PPARGC1A: variants seen among roughly 807,000 people sequenced by gnomAD.
PPARGC1A encodes peroxisome proliferator-activated receptor gamma coactivator 1-alpha.
PPARGC1A carries 25 observed loss-of-function variants against 88.7 expected under a neutral mutation model. The observed-to-expected ratio is 0.28, with a 90% CI of 0.21 to 0.39. PPARGC1A has a LOEUF of 0.39. Ranked by LOEUF, PPARGC1A falls within the 10% of genes least tolerant of loss-of-function variation. PPARGC1A has a pLI of 1.00. For missense variants in PPARGC1A, 880 were observed against 968.7 expected (o/e 0.91, Z 1.22); for synonymous variants, 363 against 355.6 (o/e 1.02, Z -0.24).
the PPARGC1A span, among the ~76,000 whole-genome samples, chr4:23,963,623 C>T: frequency 3.3e-5 from 5 of 152,180 alleles, no homozygotes; most frequent in African/African-American, 9.6e-5. Flanking sequence ...TGAAGATCTA[C>T]ATGGAGGCAC....
the PPARGC1A span, among the ~76,000 whole-genome samples, chr4:24,169,594 G>A: frequency 1.3e-5 from 2 of 152,198 alleles, no homozygotes; most frequent in African/African-American, 2.4e-5. Flanking sequence ...TCTCAGCCAA[G>A]CATGTTGGCT....
chr4:24,316,022 G>T, the PPARGC1A span, among the ~76,000 whole-genome samples: 1 of 152,194 alleles, frequency 6.6e-6, no homozygotes, highest in East Asian at 1.9e-4. Context: ...AAGGCCAAGA[G>T]GGCAGCTTCT....
chr4:24,121,652 C>A, the PPARGC1A span, among the ~76,000 whole-genome samples: 2 of 152,126 alleles, frequency 1.3e-5, no homozygotes, highest in African/African-American at 2.4e-5. Flanking sequence ...AACCACGAGG[C>A]CCATACACAG....
chr4:24,383,913 C>T, the PPARGC1A span, among the ~76,000 whole-genome samples: 1 of 152,038 alleles, frequency 6.6e-6, no homozygotes, highest in African/African-American at 2.4e-5. Flanking sequence ...CAACCCCAAG[C>T]CACATAATCT....
chr4:24,169,044 T>TCATCAACATCAG, the PPARGC1A span, among the ~76,000 whole-genome samples: 12 of 152,154 alleles, frequency 7.9e-5, no homozygotes, highest in Admixed American at 5.2e-4. Flanking sequence ...AGCCATATGA[T>TCATCAACATCAG]CCAGTTCAAC....
At chr4:23,935,074 C>T in the PPARGC1A span, among the ~76,000 whole-genome samples, 1 of 152,292 alleles carries the variant, frequency 6.6e-6, no homozygotes, top group South Asian at 2.1e-4. Flanking sequence ...GGATCACATT[C>T]TCTGCTCCAC....
chr4:24,155,823 A>T, the PPARGC1A span, among the ~76,000 whole-genome samples: 1 of 152,234 alleles, frequency 6.6e-6, no homozygotes, highest in East Asian at 1.9e-4. Flanking sequence ...TCCTGAGCGA[A>T]CCATAATGAG....
the PPARGC1A span, among the ~76,000 whole-genome samples, chr4:24,321,971 G>C: frequency 6.6e-6 from 1 of 152,238 alleles, no homozygotes; most frequent in East Asian, 1.9e-4. Flanking sequence ...GGGCTACATG[G>C]GATTGTTTTT....
chr4:23,886,025 C>T (rs535954447), intron 1 of PPARGC1A, among the ~76,000 whole-genome samples: 3 of 152,134 alleles, frequency 2.0e-5, no homozygotes, highest in Non-Finnish European at 4.4e-5. Flanking sequence ...AATTGGCTAC[C>T]TAACCGCTAA....
At chr4:24,135,665 G>T in the PPARGC1A span, among the ~76,000 whole-genome samples, 1 of 152,086 alleles carries the variant, frequency 6.6e-6, no homozygotes, top group African/African-American at 2.4e-5. Flanking sequence ...CCTGAAAGAC[G>T]CTCCTGAGCA....
the PPARGC1A span, among the ~76,000 whole-genome samples, chr4:24,225,737 A>G: frequency 6.6e-6 from 1 of 152,056 alleles, no homozygotes; most frequent in Admixed American, 6.5e-5. Context: ...CTGAGATGGG[A>G]AAGGCTATGG....
At chr4:24,243,213 T>C in the PPARGC1A span, among the ~76,000 whole-genome samples, 41 of 152,174 alleles carry the variant, frequency 2.7e-4, no homozygotes, top group Non-Finnish European at 5.3e-4. Flanking sequence ...CATAATTCAC[T>C]CCTTGAGTGC....
the PPARGC1A span, among the ~76,000 whole-genome samples, chr4:24,017,100 A>G: frequency 6.6e-6 from 1 of 152,208 alleles, no homozygotes; most frequent in African/African-American, 2.4e-5. Flanking sequence ...GAGCGTGGGC[A>G]GTTGCCCTTT....
chr4:23,923,119 T>G, the PPARGC1A span, among the ~76,000 whole-genome samples: 1 of 148,912 alleles, frequency 6.7e-6, no homozygotes, highest in Non-Finnish European at 1.5e-5. Context: ...GTTGCTTGTT[T>G]TTTTTTTTTT....
the PPARGC1A span, among the ~76,000 whole-genome samples, chr4:23,921,121 A>G: frequency 6.6e-6 from 1 of 152,272 alleles, no homozygotes; most frequent in South Asian, 2.1e-4. Context: ...TGCAAAGCGA[A>G]CAATTCCTTT....
At chr4:24,360,942 G>C in the PPARGC1A span, among the ~76,000 whole-genome samples, 2 of 152,152 alleles carry the variant, frequency 1.3e-5, no homozygotes, top group Admixed American at 6.5e-5. Flanking sequence ...TAAAATATTA[G>C]CTAGTGCTCA....
the PPARGC1A span, among the ~76,000 whole-genome samples, chr4:24,186,914 A>G: frequency 2.0e-5 from 3 of 152,244 alleles, no homozygotes; most frequent in African/African-American, 7.2e-5. Context: ...TGCAGTCAGC[A>G]GCAGTTTCCA....
At chr4:24,059,217 G>T in the PPARGC1A span, among the ~76,000 whole-genome samples, 1 of 152,160 alleles carries the variant, frequency 6.6e-6, no homozygotes, top group East Asian at 1.9e-4. Context: ...ATGTAAAAGT[G>T]TGCTTTTTAA....
At chr4:23,912,236 G>A in the PPARGC1A span, among the ~76,000 whole-genome samples, 1 of 152,138 alleles carries the variant, frequency 6.6e-6, no homozygotes, top group Non-Finnish European at 1.5e-5. Flanking sequence ...GAGACAGCTT[G>A]TTGCAGAGTA....
Sources: gnomAD v4.1 joint callset for allele counts (sites outside exome capture counted in the v4.1 genomes callset) on GRCh38, gnomAD v4.1.1 for gene constraint, MANE v1.5 for transcripts, NCBI Gene and HGNC (gene_info 2026-07-23, HGNC 2026-07-21) for gene names.